The following SIAE variants were observed in gnomAD, a reference collection of about 807,000 sequenced individuals.
The protein encoded by SIAE is sialate O-acetylesterase.
In SIAE, 39 loss-of-function variants were observed where a neutral mutation model predicts 52.6. That is an observed-to-expected ratio of 0.74 (90% CI 0.57 to 0.97). The LOEUF is 0.97. SIAE is among the 50% of genes least tolerant of loss of function. SIAE has a pLI of 0.00. For missense variants in SIAE, 592 were observed against 662.1 expected (o/e 0.89, Z 1.16); for synonymous variants, 233 against 241.4 (o/e 0.97, Z 0.32).
At chr11:124,648,600 T>C (rs777682222) in intron 5 of SIAE, among the ~76,000 whole-genome samples, 1 of 152,210 alleles carries the variant, frequency 6.6e-6, no homozygotes, top group Non-Finnish European at 1.5e-5. Context: ...AGCTAAGTCA[T>C]TGCATACATG....
chr11:124,657,665 C>T (rs1943123024), intron 3 of SIAE, among the ~76,000 whole-genome samples: 1 of 152,198 alleles, frequency 6.6e-6, no homozygotes, highest in Non-Finnish European at 1.5e-5. Flanking sequence ...TTCAAATTCA[C>T]ATTTGTGTGT....
intron 2 of SIAE, among the ~76,000 whole-genome samples, chr11:124,668,046 A>G (rs1221839937): frequency 6.6e-6 from 1 of 152,196 alleles, no homozygotes; most frequent in Non-Finnish European, 1.5e-5. Flanking sequence ...TTTGCTGTTT[A>G]AAAATCTGTC....
At chr11:124,639,614 C>T in intron 8 of SIAE, 96 bp downstream of exon 8, 1 of 1,541,018 alleles carries the variant, frequency 6.5e-7, no homozygotes, top group South Asian at 1.1e-5. Context: ...TCTTAAGTGC[C>T]AATCCTCAGT....
At chr11:124,650,665 C>T (rs574395978) in intron 4 of SIAE, among the ~76,000 whole-genome samples, 4 of 151,976 alleles carry the variant, frequency 2.6e-5, no homozygotes, top group South Asian at 2.1e-4. Context: ...CCCAGCTACT[C>T]GGGAGGCTGA....
At position 124,637,170 on chromosome 11, in the gene SIAE, C is replaced by A. The variant is rs773459178; in HGVS notation, c.1353G>T (p.Trp451Cys). The change falls in exon 10 of 10, where the codon TGG becomes TGT. Residue 451 changes from tryptophan (W) to cysteine (C), a missense_variant. Transcript: ENST00000263593. ...AGACGGTGTTCATAGAAGCTGGAAG[C>A]CACTTGCATCGATGGTCACTGCAAC... ...ISCCSDHRCK[W>C]LPASMNTVST... 1 of 1,614,152 alleles carries A rather than the reference C, an allele frequency of 6.2e-7. No homozygotes were observed.
At chr11:124,672,066 G>A (rs1474013317) in intron 1 of SIAE, among the ~76,000 whole-genome samples, 1 of 150,512 alleles carries the variant, frequency 6.6e-6, no homozygotes, top group East Asian at 2.0e-4. Context: ...ATGAGCCACC[G>A]CGCCTGGCCA....
intron 2 of SIAE, among the ~76,000 whole-genome samples, chr11:124,663,866 A>T (rs915104463): frequency 3.9e-5 from 6 of 152,166 alleles, no homozygotes; most frequent in African/African-American, 1.4e-4. Context: ...GCCACTAACC[A>T]CAAAGAGTTT....
rs1371030355 is a variant in SIAE at position 124,673,622 on chromosome 11, G to C, written c.67+20C>G. The C allele has an allele frequency of 1.2e-6, 2 of 1,610,932 alleles. No homozygotes were observed. The highest frequency in any genetic ancestry group is 1.7e-6 in the Non-Finnish European group (2 of 1,178,840). ...GCACAGGCTGAGGGGCAGGGGTCCG[G>C]CCGAGCCGGGCCGCCTCACCTGCAC... is the stretch of plus-strand genomic sequence containing the variant. On this transcript the variant is annotated intron_variant, in intron 1 of 9. Coordinates refer to ENST00000263593, the MANE Select transcript of SIAE (RefSeq NM_170601.5).
At chr11:124,675,052 T>C (rs1363757214), upstream of SIAE, 5 of 516,140 alleles carry the variant, frequency 9.7e-6, no homozygotes, top group Admixed American at 3.7e-5. Flanking sequence ...TCTGTGTTTG[T>C]ATTATACTAA....
intron 3 of SIAE, among the ~76,000 whole-genome samples, chr11:124,655,441 C>G (rs1943084825): frequency 6.6e-6 from 1 of 152,196 alleles, no homozygotes; most frequent in Non-Finnish European, 1.5e-5. Flanking sequence ...TCCCAGAGTG[C>G]TGGGATTACA....
chr11:124,661,344 C>T (rs1275995030), intron 2 of SIAE, among the ~76,000 whole-genome samples: 2 of 152,192 alleles, frequency 1.3e-5, no homozygotes, highest in Non-Finnish European at 2.9e-5. Flanking sequence ...GTTTTCCTAA[C>T]AGCAAACTGT....
chr11:124,664,823 G>A (rs114154618), intron 2 of SIAE, among the ~76,000 whole-genome samples: 3,261 of 152,048 alleles, frequency 0.021, 134 homozygotes, highest in African/African-American at 0.075. Context: ...ATCCATGACC[G>A]TTCCCTTCCC....
In SIAE at chr11:124,660,742, C is replaced by T. The variant is rs372169691; in HGVS notation, c.291G>A (p.Val97=). 9.3e-6 allele frequency: 15 copies of T among 1,614,194 alleles called. No homozygotes were observed. The highest frequency in any genetic ancestry group is 3.3e-4 in the Middle Eastern group (2 of 6,062). The change falls in exon 3 of 10, where the codon GTG becomes GTA. Residue 97 remains valine (V), a synonymous_variant. Transcript: ENST00000263593. ...DPMKPGGPFE[V]MAQQTLEKIN... is the part of the protein sequence containing the mutation. ...TTTTCTCCAAAGTCTGTTGTGCCAT[C>T]ACTTCGAAAGGTCCTCCAGGCTTCA...
intron 2 of SIAE, among the ~76,000 whole-genome samples, chr11:124,662,153 G>A (rs1277083571): frequency 6.6e-6 from 1 of 152,186 alleles, no homozygotes; most frequent in Non-Finnish European, 1.5e-5. Context: ...AAGACCAAAT[G>A]TTCAGTATTG....
chr11:124,638,617 C>T lies in SIAE; in HGVS notation c.1245G>A (p.Leu415=). Residue 415 remains leucine (L), a synonymous_variant, in exon 9 of 10, where the codon TTG becomes TTA. Coordinates refer to ENST00000263593, the MANE Select transcript of SIAE (RefSeq NM_170601.5). ...EGPLPEKIEL[L]AHKGLLNLTY... The stretch of plus-strand genomic sequence containing the variant: ...TGAGATTGAGCAGCCCCTTGTGAGC[C>T]AAGAGTTCTATCTTCTCAGGCAGTG... The T allele has an allele frequency of 6.2e-7, 1 of 1,614,128 alleles. No homozygotes were observed. Among genetic ancestry groups the T allele is most frequent in the Non-Finnish European group, 8.5e-7 (1 of 1,180,028 alleles).
intron 3 of SIAE, among the ~76,000 whole-genome samples, chr11:124,656,997 A>ATG (rs1472576367): frequency 1.3e-5 from 2 of 152,058 alleles, no homozygotes; most frequent in Non-Finnish European, 2.9e-5. Flanking sequence ...ACTCTGAAAG[A>ATG]TGCTGCCCCT....
Position 124,636,916 on chromosome 11 carries a change from A to T in SIAE, c.*35T>A, listed in dbSNP as rs772626659. On this transcript the variant is annotated 3_prime_UTR_variant, in exon 10 of 10. Transcript: ENST00000263593. ...CTAAATGCTAAAATCTGAAGGACCC[A>T]TCCTTATATCTAAGTTCTGATCATA... 1.2e-6 allele frequency: 2 copies of T among 1,613,958 alleles called. No individual in the cohort carries two copies. The highest frequency in any genetic ancestry group is 1.1e-5 in the South Asian group (1 of 91,044).
chr11:124,638,511 G>A, intron 9 of SIAE, 31 bp downstream of exon 9: 3 of 1,608,470 alleles, frequency 1.9e-6, no homozygotes, highest in East Asian at 2.2e-5. Flanking sequence ...ACCACAAAAT[G>A]AACCCCTGTT....
rs747818235 is a variant in SIAE at position 124,660,638 on chromosome 11, G to C, written c.395C>G (p.Thr132Ser). The C allele has an allele frequency of 1.2e-6, 2 of 1,613,918 alleles. No homozygotes were observed. Among genetic ancestry groups the C allele is most frequent in the African/African-American group, 2.7e-5 (2 of 74,884 alleles). Residue 132 changes from threonine to serine, a missense_variant, in exon 3 of 10, where the codon ACT (threonine) becomes AGT (serine). Thr to Ser is a moderately conservative substitution (Grantham distance 58, BLOSUM62 1). Transcript: ENST00000263593. ...LCSGQSNMQM[T>S]VLQIFNATRE... is the part of the protein sequence containing the mutation. ...GACTCTGCAAATTACCTGTAACACA[G>C]TCATCTGCATGTTACTCTGCCCACT... is the stretch of plus-strand genomic sequence containing the variant.
Sources: gnomAD v4.1 joint callset for allele counts (sites outside exome capture counted in the v4.1 genomes callset) on GRCh38, gnomAD v4.1.1 for gene constraint, MANE v1.5 for transcripts, NCBI Gene and HGNC (gene_info 2026-07-23, HGNC 2026-07-21) for gene names.